Variants in TRIM5 observed in about 807,000 individuals in gnomAD.
TRIM5 encodes the protein tripartite motif-containing protein 5.
In TRIM5, 31 loss-of-function variants were observed where a neutral mutation model predicts 35.6. The ratio of observed to expected loss-of-function variants is 0.87; its 90% CI spans 0.65 to 1.18. The LOEUF (loss-of-function observed/expected upper bound fraction) is 1.18, where lower values mean the gene tolerates loss of function less well. Among genes scored for constraint, TRIM5 ranks in the 50% most tolerant of loss-of-function variants. The pLI is 0.00. For synonymous variants in TRIM5, 243 were observed against 215.6 expected (o/e 1.13, Z -1.11); for missense variants, 609 against 591.6 (o/e 1.03, Z -0.31).
the TRIM5 span, among the ~76,000 whole-genome samples, chr11:5,629,800 C>T: frequency 3.4e-3 from 511 of 152,238 alleles, 2 homozygotes; most frequent in Non-Finnish European, 5.7e-3. Flanking sequence ...CTCTGCCTCC[C>T]GGGTTCACGC....
At chr11:5,653,630 T>A in the TRIM5 span, among the ~76,000 whole-genome samples, 2 of 151,826 alleles carry the variant, frequency 1.3e-5, no homozygotes, top group Admixed American at 1.3e-4. Context: ...TGGCTGGGAT[T>A]AGAAGTGCGC....
chr11:5,629,978 T>C, the TRIM5 span, among the ~76,000 whole-genome samples: 2 of 152,142 alleles, frequency 1.3e-5, no homozygotes, highest in African/African-American at 4.8e-5. Flanking sequence ...AGTGCTGAGA[T>C]TACAGGGGTG....
rs758095737 is a variant in TRIM5, at chr11:5,678,250, G to C, written c.698C>G (p.Ser233Ter). The C allele has an allele frequency of 6.2e-7, 1 of 1,613,924 alleles. No homozygotes were observed. Among genetic ancestry groups the C allele is most frequent in the African/African-American group, 1.3e-5 (1 of 74,934 alleles). The part of the protein sequence containing the change: ...QQTQSLRELI[S>*]DLEHRLQGSV... Reference sequence around the variant, plus strand: ...CCCCTGCAGCCGATGCTCCAGATCTGAGATGAGCTCTCTCAGGGACTGGGT... The same window carrying C: ...CCCCTGCAGCCGATGCTCCAGATCTCAGATGAGCTCTCTCAGGGACTGGGT... The change falls in exon 4 of 8, where the codon TCA becomes TGA. Residue 233 changes from serine to a stop codon, truncating the protein, a stop_gained. Coordinates refer to ENST00000380034, the MANE Select transcript of TRIM5 (RefSeq NM_033034.3). LOFTEE classifies it high-confidence loss of function.
the TRIM5 span, among the ~76,000 whole-genome samples, chr11:5,630,461 T>C: frequency 1.3e-5 from 2 of 152,212 alleles, no homozygotes; most frequent in Non-Finnish European, 2.9e-5. Context: ...TTAGGAAGTG[T>C]CACATATCCA....
At chr11:5,598,249 G>C in the TRIM5 span, among the ~76,000 whole-genome samples, 3 of 152,326 alleles carry the variant, frequency 2.0e-5, no homozygotes, top group East Asian at 5.8e-4. Context: ...GCAGTGGGCA[G>C]TCAGGGCTTG....
the TRIM5 span, among the ~76,000 whole-genome samples, chr11:5,652,804 A>C: frequency 6.6e-6 from 1 of 151,566 alleles, no homozygotes; most frequent in Non-Finnish European, 1.5e-5. Context: ...ATGAGCATAG[A>C]ATGTTTTTCC....
At chr11:5,624,746 C>T in the TRIM5 span, 9 of 152,240 alleles carry the variant, frequency 5.9e-5, no homozygotes, top group Admixed American at 2.0e-4. Flanking sequence ...AACCAAATAT[C>T]TCTTCAGACA....
chr11:5,643,302 G>T, the TRIM5 span: 1 of 1,613,984 alleles, frequency 6.2e-7, no homozygotes, highest in Non-Finnish European at 8.5e-7. Flanking sequence ...CTGGGAAGTG[G>T]ACGTGTCCAA....
the TRIM5 span, among the ~76,000 whole-genome samples, chr11:5,632,922 G>A: frequency 2.1e-5 from 3 of 145,952 alleles, no homozygotes; most frequent in Non-Finnish European, 4.5e-5. Context: ...TGCCCTCTGA[G>A]TTCAAGTAAT....
chr11:5,612,702 A>G, the TRIM5 span: 1 of 152,202 alleles, frequency 6.6e-6, no homozygotes, highest in Non-Finnish European at 1.5e-5. Flanking sequence ...ATGTGAGGGT[A>G]GAAACAAATA....
intron 4 of TRIM5, among the ~76,000 whole-genome samples, chr11:5,668,494 C>G (rs1374885861): frequency 2.0e-5 from 3 of 151,816 alleles, no homozygotes; most frequent in African/African-American, 7.3e-5. Context: ...CACTTTGTTG[C>G]CCAGGAGTGC....
downstream of TRIM5, among the ~76,000 whole-genome samples, chr11:5,661,041 C>CAAAAAAA (rs61394016): frequency 3.0e-4 from 11 of 37,142 alleles, 2 homozygotes; most frequent in Admixed American, 1.0e-3. Flanking sequence ...GACTCCGTCT[C>CAAAAAAA]AAAAAAAAAA....
chr11:5,597,187 T>C, the TRIM5 span, among the ~76,000 whole-genome samples: 76,072 of 151,692 alleles, frequency 0.5, 19,480 homozygotes, highest in Middle Eastern at 0.71. Context: ...CCGAAGACTG[T>C]TAACTTGACT....
At chr11:5,632,666 G>A in the TRIM5 span, 5 of 1,612,752 alleles carry the variant, frequency 3.1e-6, no homozygotes, top group African/African-American at 2.7e-5. Flanking sequence ...AAGGAGGATA[G>A]GAAAGTCATT....
the TRIM5 span, among the ~76,000 whole-genome samples, chr11:5,602,301 G>C: frequency 6.6e-6 from 1 of 152,032 alleles, no homozygotes; most frequent in African/African-American, 2.4e-5. Flanking sequence ...AAATTAGCCG[G>C]ACATAGTGGC....
At chr11:5,679,638 A>G (rs1037415203) in intron 2 of TRIM5, 123 bp downstream of exon 2, 1 of 1,065,946 alleles carries the variant, frequency 9.4e-7, no homozygotes, top group African/African-American at 1.6e-5. Flanking sequence ...TAAGCATAGC[A>G]TGAAAAAAAT....
At chr11:5,617,372 A>C in the TRIM5 span, among the ~76,000 whole-genome samples, 2 of 144,636 alleles carry the variant, frequency 1.4e-5, no homozygotes, top group Non-Finnish European at 1.5e-5. Flanking sequence ...CATTTGAATC[A>C]CACACATTTC....
chr11:5,588,840 G>C, the TRIM5 span: 1 of 150,948 alleles, frequency 6.6e-6, no homozygotes, highest in African/African-American at 2.4e-5. Context: ...CTGGAGTGCA[G>C]TGGTGCTATC....
the TRIM5 span, chr11:5,604,518 AT>A: frequency 6.2e-7 from 1 of 1,607,102 alleles, no homozygotes; most frequent in Non-Finnish European, 8.5e-7. Flanking sequence ...GCTTGACCTG[AT>A]TTGTTTTCTT....
Sources: gnomAD v4.1 joint callset for allele counts (sites outside exome capture counted in the v4.1 genomes callset) on GRCh38, gnomAD v4.1.1 for gene constraint, MANE v1.5 for transcripts, NCBI Gene and HGNC (gene_info 2026-07-23, HGNC 2026-07-21) for gene names.